The following NAV2 variants were observed in gnomAD, a reference collection of about 807,000 sequenced individuals.
NAV2 encodes the protein helicase, APC down-regulated 1.
A neutral mutation model predicts 223.2 loss-of-function variants in NAV2; 54 were observed. That is an observed-to-expected ratio of 0.24 (90% CI 0.19 to 0.30). NAV2 has a LOEUF of 0.30. Ranked by LOEUF, NAV2 falls within the 10% of genes least tolerant of loss-of-function variation. The pLI is 1.00. For missense variants in NAV2, 2,806 were observed against 3,147.5 expected (o/e 0.89, Z 2.60); for synonymous variants, 1,279 against 1,239.3 (o/e 1.03, Z -0.67).
intron 6 of NAV2, among the ~76,000 whole-genome samples, chr11:19,920,503 G>A (rs1565561402): frequency 6.6e-6 from 1 of 152,088 alleles, no homozygotes; most frequent in Non-Finnish European, 1.5e-5. Flanking sequence ...TAGCCAGGAT[G>A]GTCTTGATCT....
At chr11:19,574,675 A>G (rs2045520357) in intron 1 of NAV2, among the ~76,000 whole-genome samples, 1 of 152,214 alleles carries the variant, frequency 6.6e-6, no homozygotes, top group African/African-American at 2.4e-5. Context: ...TACAGCTGTG[A>G]GCAAGACAAG....
chr11:19,461,051 A>G (rs573127271), intron 1 of NAV2, among the ~76,000 whole-genome samples: 19 of 152,298 alleles, frequency 1.2e-4, no homozygotes, highest in Non-Finnish European at 2.2e-4. Context: ...CCGTCTACAG[A>G]GTTCAGGTGC....
In NAV2 at chr11:19,634,490, GT is replaced by G. The variant is rs1369734879; in HGVS notation, c.76-197986del. On this transcript the variant is annotated intron_variant, in intron 1 of 37. Coordinates refer to the NAV2 transcript ENST00000360655. The stretch of plus-strand genomic sequence containing the variant: ...TTCACATGTACCTCCAAACCTAAAA[GT>G]TTTTTTTAATTGTGTAAAAAGAAAA... Among the ~76,000 whole-genome samples the G allele has an allele frequency of 1.1e-4, 17 of 152,088 alleles. No homozygotes were observed. The South Asian group carries it at 2.7e-3, about 24-fold the overall frequency.
intron 1 of NAV2, among the ~76,000 whole-genome samples, chr11:19,770,026 C>A (rs2152572655): frequency 6.6e-6 from 1 of 151,996 alleles, no homozygotes; most frequent in South Asian, 2.1e-4. Context: ...TCACCCCCAC[C>A]AAACCACAAC....
At position 19,880,136 on chromosome 11, in the gene NAV2, T is replaced by C; in HGVS notation, c.770+9T>C. On this transcript the variant is annotated intron_variant, in intron 5 of 37. Transcript: ENST00000349880. ...GCTGAAATGCAGTCCAGGTGGGGGC[T>C]CCTTGCCAACTGATGGTTCTGTTTT... 1 of 1,562,106 alleles carries C rather than the reference T, an allele frequency of 6.4e-7. No individual in the cohort carries two copies. Among genetic ancestry groups the C allele is most frequent in the Non-Finnish European group, 8.7e-7 (1 of 1,153,088 alleles).
At chr11:20,045,724 T>G (rs2057362836) in intron 14 of NAV2, 54 bp downstream of exon 14, 1 of 1,417,112 alleles carries the variant, frequency 7.1e-7, no homozygotes, top group Admixed American at 2.0e-5. Context: ...GGAATGGATT[T>G]AGTAATTTCC....
At position 20,045,159 on chromosome 11, in the gene NAV2, G is replaced by T; in HGVS notation, c.3391G>T (p.Gly1131Cys). 1 of 1,614,124 alleles carries T rather than the reference G, an allele frequency of 6.2e-7. No individual in the cohort carries two copies. ...GFKKQSGSAA[G>C]LAMITASGVT... ...CAAGAAGCAGAGTGGTTCCGCCGCCGGCCTGGCCATGATCACAGCCAGCGG... is the reference window on the plus strand; with the variant it reads ...CAAGAAGCAGAGTGGTTCCGCCGCCTGCCTGGCCATGATCACAGCCAGCGG... The change falls in exon 14 of 38, where the codon GGC (glycine) becomes TGC (cysteine). Residue 1131 changes from glycine to cysteine, a missense_variant. By Grantham distance (159) the Gly-to-Cys change is radical (BLOSUM62 -3). Transcript: ENST00000349880.
At chr11:19,855,977 T>A (rs965802623) in intron 3 of NAV2, among the ~76,000 whole-genome samples, 4 of 152,202 alleles carry the variant, frequency 2.6e-5, no homozygotes, top group African/African-American at 9.7e-5. Flanking sequence ...CAGTTTAATT[T>A]TAGTCCTTGG....
At chr11:19,790,935 C>T (rs188055136) in intron 1 of NAV2, among the ~76,000 whole-genome samples, 66 of 151,652 alleles carry the variant, frequency 4.4e-4, no homozygotes, top group Non-Finnish European at 8.8e-4. Flanking sequence ...ATTTATTGGG[C>T]ACTTACTAGG....
chr11:19,511,080 G>A (rs912529498), intron 1 of NAV2: 2 of 152,208 alleles, frequency 1.3e-5, no homozygotes, highest in Admixed American at 6.5e-5. Flanking sequence ...AGTCCAGGAG[G>A]TTCAAGGGAC....
intron 1 of NAV2, among the ~76,000 whole-genome samples, chr11:19,449,676 A>T (rs1319291797): frequency 6.6e-6 from 1 of 152,008 alleles, no homozygotes; most frequent in African/African-American, 2.4e-5. Flanking sequence ...CCTAGTTATT[A>T]TAGTCTGTTT....
chr11:19,370,092 C>T (rs1334667998), intron 1 of NAV2, among the ~76,000 whole-genome samples: 4 of 152,208 alleles, frequency 2.6e-5, no homozygotes, highest in Non-Finnish European at 5.9e-5. Flanking sequence ...TCCATAATTT[C>T]ATAGCCATCG....
intron 25 of NAV2, 98 bp downstream of exon 25, chr11:20,080,307 T>G: frequency 1.7e-6 from 2 of 1,182,842 alleles, no homozygotes; most frequent in Non-Finnish European, 2.4e-6. Context: ...AGCTACTATC[T>G]GTGGAACATA....
intron 11 of NAV2, among the ~76,000 whole-genome samples, chr11:19,989,963 C>T (rs1374077072): frequency 1.3e-5 from 2 of 152,108 alleles, no homozygotes; most frequent in African/African-American, 2.4e-5. Context: ...AGCCCTTAGC[C>T]ACTGAAAATA....
chr11:20,111,332 C>T (rs1359966643), intron 36 of NAV2, among the ~76,000 whole-genome samples: 5 of 152,178 alleles, frequency 3.3e-5, no homozygotes, highest in African/African-American at 1.2e-4. Context: ...AAGTGAATGT[C>T]CTCCCCTCTG....
rs115945464 is a variant in NAV2 at position 19,731,778 on chromosome 11, G to A, written c.267+17816G>A. 4.4e-3 allele frequency among the ~76,000 whole-genome samples: 671 copies of A among 152,324 alleles called. 6 individuals carry two copies. The highest frequency in any genetic ancestry group is 0.015 in the African/African-American group (636 of 41,568). The stretch of plus-strand genomic sequence containing the variant: ...AGTGGGAACAATTTTCCTTGCTTTA[G>A]GGACCAATGTGAGTTTCCAAGTAAA... On this transcript the variant is annotated intron_variant, in intron 1 of 37. Coordinates refer to ENST00000349880, the MANE Select transcript of NAV2 (RefSeq NM_145117.5).
chr11:19,834,318 T>A (rs2060115079), intron 2 of NAV2, among the ~76,000 whole-genome samples: 1 of 152,234 alleles, frequency 6.6e-6, no homozygotes, highest in Non-Finnish European at 1.5e-5. Flanking sequence ...AGTAGTCCAA[T>A]GTCACCTGAC....
chr11:19,850,189 T>C (rs2061036731), intron 3 of NAV2, among the ~76,000 whole-genome samples: 1 of 152,238 alleles, frequency 6.6e-6, no homozygotes, highest in Non-Finnish European at 1.5e-5. Flanking sequence ...TGCCCCTTCC[T>C]GGGCAGTGTG....
chr11:19,684,407 C>T (rs1053396315), intron 1 of NAV2, among the ~76,000 whole-genome samples: 4 of 151,902 alleles, frequency 2.6e-5, no homozygotes, highest in Non-Finnish European at 4.4e-5. Flanking sequence ...TCTCTGAGAC[C>T]CCAGTGATGA....
Sources: allele counts gnomAD v4.1 joint callset (sites outside exome capture counted in the v4.1 genomes callset), GRCh38; gene constraint gnomAD v4.1.1; transcripts MANE v1.5; gene names NCBI Gene and HGNC (gene_info 2026-07-23, HGNC 2026-07-21).